Variants in SNX15 observed in about 807,000 individuals in gnomAD.
SNX15 encodes the protein sorting nexin 15.
In SNX15, 29 loss-of-function variants were observed where a neutral mutation model predicts 35.2. The observed-to-expected ratio is 0.82, with a 90% confidence interval of 0.61 to 1.12. The LOEUF (loss-of-function observed/expected upper bound fraction) is 1.12. SNX15 is among the 50% of genes most tolerant of loss of function. The pLI, the probability that SNX15 is intolerant of heterozygous loss-of-function variation, is 0.00. For synonymous variants in SNX15, 189 were observed against 188.2 expected (o/e 1.00, Z -0.03); for missense variants, 400 against 451.5 (o/e 0.89, Z 1.03).
At chr11:65,027,729 T>A (rs1946389629) in intron 1 of SNX15, 93 bp downstream of exon 1, 1 of 916,374 alleles carries the variant, frequency 1.1e-6, no homozygotes, top group African/African-American at 1.6e-5. Context: ...TGCTCCCTTT[T>A]TAGACGACAG....
At position 65,040,362 on chromosome 11, in the gene SNX15, C is replaced by G. The variant is rs1486539798; in HGVS notation, c.*570C>G. On this transcript the variant is annotated 3_prime_UTR_variant, in exon 8 of 8. Coordinates refer to ENST00000377244, the MANE Select transcript of SNX15 (RefSeq NM_013306.5). Reference sequence around the variant, plus strand: ...GTGGTCATTAAACCATTAGTTTACCCCTCTAGAACTGGGGTCTGCAAACTC... The same window carrying G: ...GTGGTCATTAAACCATTAGTTTACCGCTCTAGAACTGGGGTCTGCAAACTC... 1.3e-5 allele frequency: 2 copies of G among 152,212 alleles called. No individual in the cohort carries two copies. Among genetic ancestry groups the G allele is most frequent in the Non-Finnish European group, 2.9e-5 (2 of 68,096 alleles). The allele number at this position is 152,212 out of a possible 1,614,324, so 9.4% of individuals were successfully genotyped here.
At chr11:65,031,171 C>T (rs1258195919) in intron 1 of SNX15, among the ~76,000 whole-genome samples, 3 of 152,002 alleles carry the variant, frequency 2.0e-5, no homozygotes, top group Admixed American at 1.3e-4. Flanking sequence ...AGGTGTGTCA[C>T]GCCACCACAC....
At position 65,034,925 on chromosome 11, in the gene SNX15, C is replaced by G. The variant is rs778608548; in HGVS notation, c.335C>G (p.Ala112Gly). ...DLLRFTVHIP[A>G]LNNSPQLKEF... ...CTTCGCTTCACTGTGCACATACCTG[C>G]GCTCAACAACAGCCCCCAGCTCAAG... The change falls in exon 4 of 8, where the codon GCG becomes GGG. Residue 112 changes from alanine (A) to glycine (G), a missense_variant. By Grantham distance (60) the Ala-to-Gly change is moderately conservative. Coordinates refer to ENST00000377244, the MANE Select transcript of SNX15 (RefSeq NM_013306.5). 5 of 1,613,930 alleles carry G rather than the reference C, an allele frequency of 3.1e-6. No individual in the cohort carries two copies. In the Admixed American group the frequency reaches 8.3e-5, roughly 27 times the overall value.
In SNX15 at chr11:65,035,194, T is replaced by C. The variant is rs1181241018; in HGVS notation, c.508T>C (p.Leu170=). Residue 170 remains leucine (L), a synonymous_variant, in exon 5 of 8, where the codon TTG becomes CTG. Coordinates refer to ENST00000377244, the MANE Select transcript of SNX15 (RefSeq NM_013306.5). ...LPAERRGLEE[L]EVPVDPPPSS... The stretch of plus-strand genomic sequence containing the variant: ...TGCAGAAAGGAGGGGCCTCGAGGAA[T>C]TGGAGGTGCCAGGTACATCGGGGTG... The C allele has an allele frequency of 6.4e-7, 1 of 1,551,736 alleles. No homozygotes were observed. Among genetic ancestry groups the C allele is most frequent in the South Asian group, 1.1e-5 (1 of 87,016 alleles).
Position 65,032,186 on chromosome 11 carries a change from C to G in SNX15, c.118C>G (p.Pro40Ala). ...TTCTCAGTTCATCTCAAAGAAGGAC[C>G]CAGAGGATGTCAAAGAGGTGAGGCT... ...VTAQFISKKD[P>A]EDVKEVVVWK... Residue 40 changes from proline (P) to alanine (A), a missense_variant, in exon 2 of 8, where the codon CCA (proline) becomes GCA (alanine). By Grantham distance (27) the Pro-to-Ala change is conservative (BLOSUM62 -1). Coordinates refer to ENST00000377244, the MANE Select transcript of SNX15 (RefSeq NM_013306.5). 6.2e-7 allele frequency: 1 copy of G among 1,614,064 alleles called. No individual in the cohort carries two copies. The highest frequency in any genetic ancestry group is 1.7e-5 in the Admixed American group (1 of 60,012).
At position 65,032,528 on chromosome 11, in the gene SNX15, C is replaced by G. The variant is rs776218061; in HGVS notation, c.233C>G (p.Ala78Gly). Residue 78 changes from alanine (A) to glycine (G), a missense_variant, in exon 3 of 8, where the codon GCT becomes GGT. Transcript: ENST00000377244. ...TTCCGCCGCCTCGAGGAGTTCCCTG[C>G]TTTCCCCCGGGCCCAGGTGTTTGGT... ...NLFRRLEEFPAFPRAQVFGRF... is the reference protein window; with the variant it reads ...NLFRRLEEFPGFPRAQVFGRF... 7 of 1,614,180 alleles carry G rather than the reference C, an allele frequency of 4.3e-6. No homozygotes were observed. The South Asian group carries it at 7.7e-5, about 18-fold the overall frequency.
Position 65,034,893 on chromosome 11 carries a change from G to A in SNX15, c.303G>A (p.Glu101=), listed in dbSNP as rs1223953346. The stretch of plus-strand genomic sequence containing the variant: ...TCGAGGAGCGGCGAAAGGGGGCAGA[G>A]GACCTGCTTCGCTTCACTGTGCACA... ...SVIEERRKGA[E]DLLRFTVHIP... is the part of the protein sequence containing the mutation. The change falls in exon 4 of 8, where the codon GAG becomes GAA. Residue 101 remains glutamate, a synonymous_variant. Transcript: ENST00000377244. The A allele has an allele frequency of 3.1e-6, 5 of 1,614,086 alleles. No individual in the cohort carries two copies. Among genetic ancestry groups the A allele is most frequent in the Non-Finnish European group, 4.2e-6 (5 of 1,179,970 alleles).
In SNX15 at chr11:65,032,148, C is replaced by A; in HGVS notation, c.100-20C>A. 1.2e-6 allele frequency: 2 copies of A among 1,613,762 alleles called. No individual in the cohort carries two copies. Among genetic ancestry groups the A allele is most frequent in the Non-Finnish European group, 1.7e-6 (2 of 1,179,620 alleles). On this transcript the variant is annotated intron_variant, in intron 1 of 7. Coordinates refer to ENST00000377244, the MANE Select transcript of SNX15 (RefSeq NM_013306.5). The stretch of plus-strand genomic sequence containing the variant: ...GATGGCAGTCTCTGGTCTCAACCAG[C>A]TCTTGCCTTTCTTTCTCAGTTCATC...
At chr11:65,035,777 C>T (rs1946495642) in intron 6 of SNX15, 114 bp downstream of exon 6, 1 of 1,139,706 alleles carries the variant, frequency 8.8e-7, no homozygotes, top group Admixed American at 2.7e-5. Context: ...AGAGACGTCT[C>T]CTCAGCAGTG....
intron 5 of SNX15, 35 bp from the exon 6 acceptor site, chr11:65,035,485 G>T: frequency 2.6e-6 from 4 of 1,546,172 alleles, no homozygotes; most frequent in Middle Eastern, 1.7e-4. Flanking sequence ...AGAAATAAAC[G>T]CAGGTATTCA....
Position 65,040,234 on chromosome 11 carries a change from C to T in SNX15, c.*442C>T, listed in dbSNP as rs1946566519. 2 of 160,774 alleles carry T rather than the reference C, an allele frequency of 1.2e-5. No homozygotes were observed. The highest frequency in any genetic ancestry group is 4.8e-5 in the African/African-American group (2 of 41,642). 10.0% of individuals were successfully genotyped at this position (160,774 alleles called of 1,614,324 possible). ...GCCAGGCTGGTCTCGAACTCCTGAC[C>T]TCAAGTGATCCACCCGCCTCAGTCT... On this transcript the variant is annotated 3_prime_UTR_variant, in exon 8 of 8. Transcript: ENST00000377244.
At position 65,038,716 on chromosome 11, in the gene SNX15, G is replaced by A; in HGVS notation, c.809G>A (p.Ser270Asn). The change falls in exon 7 of 8, where the codon AGC becomes AAC. Residue 270 changes from serine to asparagine, a missense_variant. Physicochemically the swap from Ser to Asn is conservative, Grantham distance 46. Transcript: ENST00000377244. ...GEGGPTPAYL[S>N]QATELITQAL... ...GGAGGGCCCACCCCTGCCTACCTAA[G>A]CCAGGCCACAGAGCTCATCACCCAG... 1.2e-6 allele frequency: 2 copies of A among 1,606,550 alleles called. No individual in the cohort carries two copies. Among genetic ancestry groups the A allele is most frequent in the South Asian group, 1.1e-5 (1 of 89,998 alleles).
intron 1 of SNX15, among the ~76,000 whole-genome samples, chr11:65,029,620 A>C (rs1312723110): frequency 6.6e-6 from 1 of 151,868 alleles, no homozygotes; most frequent in African/African-American, 2.4e-5. Context: ...TCTGTCGCCC[A>C]GGCTGGAGTA....
chr11:65,039,127 G>T (rs1157238736), intron 7 of SNX15, among the ~76,000 whole-genome samples: 2 of 147,108 alleles, frequency 1.4e-5, no homozygotes, highest in African/African-American at 2.5e-5. Flanking sequence ...AGGTTCAAGT[G>T]ATTCTACTGC....
In SNX15 at chr11:65,039,936, A is replaced by G; in HGVS notation, c.*144A>G. On this transcript the variant is annotated 3_prime_UTR_variant, in exon 8 of 8. Transcript: ENST00000377244. ...TGGACCAAGAATGAGAAAAATAATGAATTCTTAGCTCCCTGATTACACCTG... is the reference window on the plus strand; with the variant it reads ...TGGACCAAGAATGAGAAAAATAATGGATTCTTAGCTCCCTGATTACACCTG... 1.7e-6 allele frequency: 1 copy of G among 579,088 alleles called. No individual in the cohort carries two copies. Among genetic ancestry groups the G allele is most frequent in the Non-Finnish European group, 3.2e-6 (1 of 316,162 alleles). 35.9% of individuals were successfully genotyped at this position (579,088 alleles called of 1,614,324 possible). A position where few individuals can be genotyped will look rare whatever the true frequency, so the allele number is the denominator to read the frequency against.
intron 6 of SNX15, chr11:65,036,059 T>A: frequency 6.0e-6 from 1 of 166,838 alleles, no homozygotes; most frequent in Non-Finnish European, 1.3e-5. Context: ...GGCCTGCTGG[T>A]CAATGGGAGT....
At position 65,040,425 on chromosome 11, in the gene SNX15, G is replaced by C. The variant is rs1380773700; in HGVS notation, c.*633G>C. ...AAATCTGGCCCACCTCCTTTTTAAT[G>C]TAAGGGCTGTGAGAGTGGTTTTTAC... On this transcript the variant is annotated 3_prime_UTR_variant, in exon 8 of 8. Coordinates refer to ENST00000377244, the MANE Select transcript of SNX15 (RefSeq NM_013306.5). The C allele has an allele frequency of 2.0e-5, 3 of 152,150 alleles. No individual in the cohort carries two copies. The South Asian group carries it at 6.2e-4, about 31-fold the overall frequency. The allele number at this position is 152,150 out of a possible 1,614,324, so 9.4% of individuals were successfully genotyped here. A position where few individuals can be genotyped will look rare whatever the true frequency, so the allele number is the denominator to read the frequency against.
intron 3 of SNX15, among the ~76,000 whole-genome samples, chr11:65,033,027 C>A (rs1484161332): frequency 1.3e-5 from 2 of 152,050 alleles, no homozygotes; most frequent in Non-Finnish European, 2.9e-5. Flanking sequence ...AGGTGTGCAC[C>A]ACCACGCCTG....
In SNX15 at chr11:65,039,029, C is replaced by CTTTTTTTT. The variant is rs747153458; in HGVS notation, c.922+212_922+219dup. 1.0e-3 allele frequency among the ~76,000 whole-genome samples: 75 copies of CTTTTTTTT among 72,496 alleles called. 14 individuals are homozygous for CTTTTTTTT. Among genetic ancestry groups the CTTTTTTTT allele is most frequent in the East Asian group, 2.2e-3 (9 of 4,062 alleles). The allele number at this position is 72,496 out of a possible 152,430, so 47.6% of individuals were successfully genotyped here. On this transcript the variant is annotated intron_variant, in intron 7 of 7. Transcript: ENST00000377244. Reference sequence around the variant, plus strand: ...TTGTGGCCTCAGTTTTCTTCTTCCTCTTTTTTTTTTTTTTTTTTTGAGACA... The same window carrying CTTTTTTTT: ...TTGTGGCCTCAGTTTTCTTCTTCCTCTTTTTTTTTTTTTTTTTTTTTTTTTTTGAGACA...
Sources: allele counts gnomAD v4.1 joint callset (sites outside exome capture counted in the v4.1 genomes callset), GRCh38; gene constraint gnomAD v4.1.1; transcripts MANE v1.5; gene names NCBI Gene and HGNC (gene_info 2026-07-23, HGNC 2026-07-21).